SLC44A1: variants seen among roughly 807,000 people sequenced by gnomAD.
The protein encoded by SLC44A1 is choline transporter-like protein 1.
A neutral mutation model predicts 79.3 loss-of-function variants in SLC44A1; 26 were observed. That is an observed-to-expected ratio of 0.33 (90% CI 0.24 to 0.46). The LOEUF is 0.46. Ranked by LOEUF, SLC44A1 falls within the 20% of genes least tolerant of loss-of-function variation. The pLI is 1.00. For synonymous variants in SLC44A1, 263 were observed against 286.2 expected (o/e 0.92, Z 0.82); for missense variants, 688 against 798.1 (o/e 0.86, Z 1.66).
chr9:105,268,200 C>T (rs930348145), intron 1 of SLC44A1, among the ~76,000 whole-genome samples: 3 of 152,060 alleles, frequency 2.0e-5, no homozygotes, highest in Admixed American at 2.0e-4. Context: ...ATTTTTAGCC[C>T]CATTGTCATC....
chr9:105,349,534 A>G (rs1827340120), intron 5 of SLC44A1, among the ~76,000 whole-genome samples: 1 of 152,332 alleles, frequency 6.6e-6, no homozygotes, highest in Admixed American at 6.5e-5. Context: ...AACTAAAGGG[A>G]CTATTTTAAA....
downstream of SLC44A1, among the ~76,000 whole-genome samples, chr9:105,398,949 G>A (rs562841307): frequency 1.4e-4 from 22 of 152,128 alleles, no homozygotes; most frequent in African/African-American, 4.8e-4. Context: ...AAAAAAAATC[G>A]CACACACAAA....
chr9:105,391,418 T>G lies in SLC44A1; in HGVS notation c.*2362T>G, dbSNP rs1828759962. 1 of 985,486 alleles carries G rather than the reference T, an allele frequency of 1.0e-6. No homozygotes were observed. The highest frequency in any genetic ancestry group is 1.7e-5 in the African/African-American group (1 of 57,372). The allele number at this position is 985,486 out of a possible 1,614,324, so 61.0% of individuals were successfully genotyped here. On this transcript the variant is annotated 3_prime_UTR_variant, in exon 16 of 16. Transcript: ENST00000374720. Reference sequence around the variant, plus strand: ...TTTTACTAACATTGTGTTTAGAAATTATAATCTATGTGTAACCATGTCATT... The same window carrying G: ...TTTTACTAACATTGTGTTTAGAAATGATAATCTATGTGTAACCATGTCATT...
chr9:105,429,446 G>A (rs1829363980), intron 15 of SLC44A1, among the ~76,000 whole-genome samples: 2 of 152,180 alleles, frequency 1.3e-5, no homozygotes, highest in Non-Finnish European at 2.9e-5. Context: ...GGGACTACAA[G>A]TATGTGCCAC....
chr9:105,377,107 A>G (rs1415316222), intron 13 of SLC44A1, among the ~76,000 whole-genome samples: 1 of 152,198 alleles, frequency 6.6e-6, no homozygotes. Context: ...CAAATACAGC[A>G]TTATTTATAT....
chr9:105,394,235 G>T lies in SLC44A1; in HGVS notation c.*5179G>T. On this transcript the variant is annotated 3_prime_UTR_variant, in exon 16 of 16. Coordinates refer to ENST00000374720, the MANE Select transcript of SLC44A1 (RefSeq NM_080546.5). The stretch of plus-strand genomic sequence containing the variant: ...AGGAAGTGATTAGGCCTCCACTAGA[G>T]ATACTTTTGAGATGATGCTTACCAC... 1.0e-6 allele frequency: 1 copy of T among 985,344 alleles called. No individual in the cohort carries two copies. The highest frequency in any genetic ancestry group is 1.2e-6 in the Non-Finnish European group (1 of 829,890). 61.0% of individuals were successfully genotyped at this position (985,344 alleles called of 1,614,324 possible).
Position 105,395,591 on chromosome 9 carries a change from A to C in SLC44A1, c.*6535A>C. The C allele has an allele frequency of 1.0e-6, 1 of 985,432 alleles. No homozygotes were observed. The highest frequency in any genetic ancestry group is 4.7e-5 in the South Asian group (1 of 21,284). The allele number at this position is 985,432 out of a possible 1,614,324, so 61.0% of individuals were successfully genotyped here. ...TGGTGGAAATTCCCATGTTGGATAG[A>C]AAAGGGCGTAAGTCCAGTCTAAGTA... On this transcript the variant is annotated 3_prime_UTR_variant, in exon 16 of 16. Coordinates refer to ENST00000374720, the MANE Select transcript of SLC44A1 (RefSeq NM_080546.5).
intron 15 of SLC44A1, among the ~76,000 whole-genome samples, chr9:105,417,820 T>C (rs955285245): frequency 3.5e-5 from 4 of 113,384 alleles, no homozygotes; most frequent in African/African-American, 7.0e-5. Flanking sequence ...CTGGGCAACA[T>C]AGCAAGATCT....
At chr9:105,406,215 A>G (rs887265328) in intron 15 of SLC44A1, among the ~76,000 whole-genome samples, 1 of 151,722 alleles carries the variant, frequency 6.6e-6, no homozygotes, top group Non-Finnish European at 1.5e-5. Flanking sequence ...TTCAGTGGCC[A>G]CACACACACA....
At chr9:105,348,104 A>G (rs770756552) in intron 4 of SLC44A1, among the ~76,000 whole-genome samples, 111 of 152,098 alleles carry the variant, frequency 7.3e-4, no homozygotes, top group Non-Finnish European at 1.2e-3. Flanking sequence ...CTGACACTCA[A>G]TAAAGGTAGT....
chr9:105,331,311 T>C (rs1826741596), intron 3 of SLC44A1, among the ~76,000 whole-genome samples: 1 of 152,198 alleles, frequency 6.6e-6, no homozygotes, highest in Admixed American at 6.5e-5. Flanking sequence ...TCAAAATGTA[T>C]GTGCTGCATC....
chr9:105,324,248 GA>G (rs1826498395), intron 3 of SLC44A1, among the ~76,000 whole-genome samples: 1 of 149,182 alleles, frequency 6.7e-6, no homozygotes, highest in South Asian at 2.1e-4. Context: ...ACCGTGCCCG[GA>G]ATTTTTTTTT....
chr9:105,289,098 A>G (rs1177526564), intron 1 of SLC44A1, among the ~76,000 whole-genome samples: 2 of 152,226 alleles, frequency 1.3e-5, no homozygotes, highest in Admixed American at 1.3e-4. Context: ...TGGGTAAAAA[A>G]TCTCATGTAG....
chr9:105,422,009 C>T (rs1829257938), intron 15 of SLC44A1, among the ~76,000 whole-genome samples: 1 of 152,168 alleles, frequency 6.6e-6, no homozygotes, highest in African/African-American at 2.4e-5. Context: ...ACTGAGCATA[C>T]TCAAGTGTTT....
At chr9:105,380,063 G>A (rs1474470012) in intron 13 of SLC44A1, among the ~76,000 whole-genome samples, 1 of 152,088 alleles carries the variant, frequency 6.6e-6, no homozygotes, top group Non-Finnish European at 1.5e-5. Context: ...AGGGAGAGAG[G>A]GAGAAACATT....
At chr9:105,252,389 A>G (rs1271242252) in intron 1 of SLC44A1, among the ~76,000 whole-genome samples, 1 of 152,202 alleles carries the variant, frequency 6.6e-6, no homozygotes, top group Non-Finnish European at 1.5e-5. Context: ...GTTTCCCTCC[A>G]TGGATAGAGG....
At chr9:105,257,784 G>C (rs1362525519) in intron 1 of SLC44A1, among the ~76,000 whole-genome samples, 1 of 152,166 alleles carries the variant, frequency 6.6e-6, no homozygotes, top group African/African-American at 2.4e-5. Flanking sequence ...AGAACAGTTG[G>C]TCAAAGGCAA....
In SLC44A1 at chr9:105,354,039, C is replaced by CTTTTT. The variant is rs556502972; in HGVS notation, c.501-2148_501-2144dup. Among the ~76,000 whole-genome samples, 22 of 98,484 alleles carry CTTTTT rather than the reference C, an allele frequency of 2.2e-4. 1 individual carries two copies. Among genetic ancestry groups the CTTTTT allele is most frequent in the African/African-American group, 4.0e-4 (8 of 19,764 alleles). The allele number at this position is 98,484 out of a possible 152,430, so 64.6% of individuals were successfully genotyped here. ...TTGACTTAGAAATTTACAGTTAATCCTTTTTTTTTTTTTTTTTTTTTTTTT... is the reference window on the plus strand; with the variant it reads ...TTGACTTAGAAATTTACAGTTAATCCTTTTTTTTTTTTTTTTTTTTTTTTTTTTTT... On this transcript the variant is annotated intron_variant, in intron 5 of 15. Transcript: ENST00000374720.
chr9:105,406,713 G>A (rs1372742858), intron 15 of SLC44A1, among the ~76,000 whole-genome samples: 1 of 152,130 alleles, frequency 6.6e-6, no homozygotes, highest in Non-Finnish European at 1.5e-5. Flanking sequence ...CTGCACTCCA[G>A]CCCGGGTGAC....
Sources: gnomAD v4.1 joint callset for allele counts (sites outside exome capture counted in the v4.1 genomes callset) on GRCh38, gnomAD v4.1.1 for gene constraint, MANE v1.5 for transcripts, NCBI Gene and HGNC (gene_info 2026-07-23, HGNC 2026-07-21) for gene names.